The following ADAMTS6 variants were observed in gnomAD, a reference collection of about 807,000 sequenced individuals.
ADAMTS6 encodes A disintegrin and metalloproteinase with thrombospondin motifs 6.
Under a neutral mutation model 144.3 loss-of-function variants are expected in ADAMTS6, and 23 were observed. The ratio of observed to expected loss-of-function variants is 0.16; its 90% CI spans 0.11 to 0.23. The LOEUF is 0.23. Among genes scored for constraint, ADAMTS6 ranks in the 10% least tolerant of loss-of-function variants. The pLI, the probability that ADAMTS6 is intolerant of heterozygous loss-of-function variation, is 1.00. For synonymous variants in ADAMTS6, 444 were observed against 457.5 expected (o/e 0.97, Z 0.38); for missense variants, 999 against 1,379.6 (o/e 0.72, Z 4.37).
At chr5:65,188,255 T>C (rs1164983539) in intron 21 of ADAMTS6, 35 bp from the exon 22 acceptor site, 1 of 1,604,440 alleles carries the variant, frequency 6.2e-7, no homozygotes, top group South Asian at 1.1e-5. Context: ...CAGAAAAGCA[T>C]TTCCTCAGTG....
intron 11 of ADAMTS6, among the ~76,000 whole-genome samples, chr5:65,277,605 G>C (rs1219633560): frequency 6.6e-6 from 1 of 151,732 alleles, no homozygotes; most frequent in African/African-American, 2.4e-5. Context: ...TATTTTAATG[G>C]ACTGTCCTTA....
chr5:65,433,824 T>A (rs900051748), intron 7 of ADAMTS6, among the ~76,000 whole-genome samples: 1 of 152,176 alleles, frequency 6.6e-6, no homozygotes, highest in Non-Finnish European at 1.5e-5. Flanking sequence ...TGTAAAATAG[T>A]GCAGCCACTT....
At chr5:65,472,869 T>C (rs149560166) in intron 2 of ADAMTS6, among the ~76,000 whole-genome samples, 157 of 152,316 alleles carry the variant, frequency 1.0e-3, no homozygotes, top group African/African-American at 3.7e-3. Context: ...CAATCTGTAA[T>C]AGTCTTGAAA....
intron 7 of ADAMTS6, among the ~76,000 whole-genome samples, chr5:65,345,834 C>A (rs1316346835): frequency 7.1e-6 from 1 of 141,062 alleles, no homozygotes; most frequent in Non-Finnish European, 1.5e-5. Context: ...TAATTTATAC[C>A]TTTAACTGTG....
At chr5:65,199,059 A>G (rs1162863232) in intron 20 of ADAMTS6, among the ~76,000 whole-genome samples, 2 of 152,108 alleles carry the variant, frequency 1.3e-5, no homozygotes, top group African/African-American at 4.8e-5. Context: ...CAGATTATCC[A>G]TCCATCCTGG....
chr5:65,469,869 A>C (rs1197552561), intron 3 of ADAMTS6, among the ~76,000 whole-genome samples: 1 of 152,234 alleles, frequency 6.6e-6, no homozygotes, highest in Non-Finnish European at 1.5e-5. Context: ...TTCCTTGAGC[A>C]TCAAAATGTT....
intron 14 of ADAMTS6, among the ~76,000 whole-genome samples, chr5:65,250,648 T>C (rs1177778841): frequency 6.6e-6 from 1 of 152,210 alleles, no homozygotes; most frequent in African/African-American, 2.4e-5. Context: ...GCAAGAATAA[T>C]GTGCCTTTCC....
At chr5:65,215,235 T>A (rs1370643044) in intron 19 of ADAMTS6, 89 bp downstream of exon 19, 11 of 1,401,968 alleles carry the variant, frequency 7.8e-6, no homozygotes, top group Non-Finnish European at 1.1e-5. Context: ...TTTCATCACC[T>A]GTAAAGCAGA....
At chr5:65,222,197 A>T (rs1270235862) in intron 18 of ADAMTS6, among the ~76,000 whole-genome samples, 1 of 152,194 alleles carries the variant, frequency 6.6e-6, no homozygotes, top group East Asian at 1.9e-4. Flanking sequence ...TCAGGGACTA[A>T]TGCTTCTGGA....
At chr5:65,355,717 A>T (rs1320292840) in intron 7 of ADAMTS6, among the ~76,000 whole-genome samples, 1 of 151,884 alleles carries the variant, frequency 6.6e-6, no homozygotes. Context: ...AGCATGACCA[A>T]GAAGTCTAAT....
At chr5:65,228,653 T>C (rs2112417696) in intron 15 of ADAMTS6, among the ~76,000 whole-genome samples, 1 of 152,204 alleles carries the variant, frequency 6.6e-6, no homozygotes, top group South Asian at 2.1e-4. Context: ...TTCACCTGTA[T>C]CACACCTCCC....
At chr5:65,363,370 A>G (rs1041934752) in intron 7 of ADAMTS6, among the ~76,000 whole-genome samples, 1 of 152,110 alleles carries the variant, frequency 6.6e-6, no homozygotes, top group Non-Finnish European at 1.5e-5. Flanking sequence ...ATAGCTTCAC[A>G]CCCCTTTTGT....
intron 11 of ADAMTS6, among the ~76,000 whole-genome samples, chr5:65,280,139 A>G (rs1394322536): frequency 6.6e-6 from 1 of 152,184 alleles, no homozygotes; most frequent in African/African-American, 2.4e-5. Context: ...TTTTTGCCTC[A>G]TTAAAGCATT....
intron 7 of ADAMTS6, among the ~76,000 whole-genome samples, chr5:65,375,296 A>G (rs578171140): frequency 1.0e-3 from 154 of 152,246 alleles, no homozygotes; most frequent in African/African-American, 3.6e-3. Flanking sequence ...TGCACAGCAA[A>G]AGAAACTACC....
At chr5:65,450,024 T>C (rs1758611606) in intron 7 of ADAMTS6, among the ~76,000 whole-genome samples, 1 of 152,250 alleles carries the variant, frequency 6.6e-6, no homozygotes, top group Admixed American at 6.5e-5. Context: ...TTGTTAGCTA[T>C]ATATAACAGA....
intron 24 of ADAMTS6, among the ~76,000 whole-genome samples, chr5:65,164,082 C>T (rs1752974383): frequency 6.6e-6 from 1 of 152,092 alleles, no homozygotes; most frequent in Non-Finnish European, 1.5e-5. Flanking sequence ...GTGAGCGACG[C>T]AGAAGACGGG....
At chr5:65,394,452 T>A (rs1250216272) in intron 7 of ADAMTS6, among the ~76,000 whole-genome samples, 1 of 152,030 alleles carries the variant, frequency 6.6e-6, no homozygotes, top group Non-Finnish European at 1.5e-5. Context: ...CGAGCAATAA[T>A]AAAAATGATT....
At chr5:65,181,438 T>C (rs1754345338) in intron 22 of ADAMTS6, among the ~76,000 whole-genome samples, 2 of 152,338 alleles carry the variant, frequency 1.3e-5, no homozygotes, top group African/African-American at 4.8e-5. Flanking sequence ...AACACTACTA[T>C]ACTACTTTAC....
intron 20 of ADAMTS6, chr5:65,210,624 T>G: frequency 1.7e-6 from 1 of 605,800 alleles, no homozygotes; most frequent in East Asian, 3.6e-5. Context: ...AAGCTATGGA[T>G]GGAGGCTTGT....
Sources: allele counts gnomAD v4.1 joint callset (sites outside exome capture counted in the v4.1 genomes callset), GRCh38; gene constraint gnomAD v4.1.1; transcripts MANE v1.5; gene names NCBI Gene and HGNC (gene_info 2026-07-23, HGNC 2026-07-21).